WWP2: variants seen among roughly 807,000 people sequenced by gnomAD.
WWP2 encodes NEDD4-like E3 ubiquitin-protein ligase WWP2.
WWP2 carries 57 observed loss-of-function variants against 121.0 expected under a neutral mutation model. The ratio of observed to expected loss-of-function variants is 0.47; its 90% CI spans 0.38 to 0.59. The LOEUF is 0.59. Ranked by LOEUF, WWP2 falls within the 20% of genes least tolerant of loss-of-function variation. The probability of loss-of-function intolerance (pLI) is 0.00; values close to 1 mark genes in which losing one functional copy is unlikely to be tolerated. For missense variants in WWP2, 962 were observed against 1,158.9 expected (o/e 0.83, Z 2.47); for synonymous variants, 449 against 441.3 (o/e 1.02, Z -0.22).
intron 19 of WWP2, chr16:69,936,886 G>A (rs1186714229): frequency 9.2e-6 from 5 of 546,274 alleles, no homozygotes; most frequent in African/African-American, 7.6e-5. Flanking sequence ...GGCGCTGGGG[G>A]CAGGAGCAGG....
intron 6 of WWP2, among the ~76,000 whole-genome samples, chr16:69,868,145 G>A (rs1483977192): frequency 6.6e-6 from 1 of 152,208 alleles, no homozygotes; most frequent in Non-Finnish European, 1.5e-5. Flanking sequence ...AGGGCAAGGG[G>A]AGAATCTGGG....
At chr16:69,890,744 G>A (rs1258913507) in intron 8 of WWP2, 1 of 152,146 alleles carries the variant, frequency 6.6e-6, no homozygotes, top group African/African-American at 2.4e-5. Flanking sequence ...TCGGGGATTG[G>A]GCACTTCCTG....
intron 7 of WWP2, among the ~76,000 whole-genome samples, chr16:69,885,977 G>A (rs575817227): frequency 3.9e-5 from 6 of 152,274 alleles, no homozygotes; most frequent in East Asian, 3.9e-4. Flanking sequence ...ATGATATCTC[G>A]AAGAGGGCAG....
At chr16:69,884,374 A>T (rs1246851665) in intron 7 of WWP2, among the ~76,000 whole-genome samples, 2 of 152,236 alleles carry the variant, frequency 1.3e-5, no homozygotes, top group East Asian at 3.8e-4. Flanking sequence ...CTGTGATCCC[A>T]GCACTTTGGG....
intron 8 of WWP2, among the ~76,000 whole-genome samples, chr16:69,901,338 C>T (rs570772160): frequency 6.6e-6 from 1 of 152,138 alleles, no homozygotes; most frequent in Non-Finnish European, 1.5e-5. Context: ...CCAGTGTATT[C>T]TTCTTAAGTT....
At position 69,937,213 on chromosome 16, in the gene WWP2, G is replaced by C; in HGVS notation, c.2213G>C (p.Arg738Pro). Residue 738 changes from arginine (R) to proline (P), a missense_variant, in exon 20 of 24, where the codon CGC becomes CCC. Physicochemically the swap from Arg to Pro is moderately radical, Grantham distance 103. Transcript: ENST00000359154. This position sits in a 1 kb window ranked among gnomAD's most constrained non-coding sequence, Gnocchi z 6.6. Reference sequence around the variant, plus strand: ...GAGGTGGCCCCGCTGGAGTGGCTGCGCTACTTTGACGAGAAAGAGCTGGAG... The same window carrying C: ...GAGGTGGCCCCGCTGGAGTGGCTGCCCTACTTTGACGAGAAAGAGCTGGAG... ...FNEVAPLEWL[R>P]YFDEKELELM... 1 of 1,613,762 alleles carries C rather than the reference G, an allele frequency of 6.2e-7. No individual in the cohort carries two copies. Among genetic ancestry groups the C allele is most frequent in the Non-Finnish European group, 8.5e-7 (1 of 1,179,956 alleles).
chr16:69,836,389 C>T (rs1050407405), intron 4 of WWP2, among the ~76,000 whole-genome samples: 1 of 151,740 alleles, frequency 6.6e-6, no homozygotes, highest in African/African-American at 2.4e-5. Flanking sequence ...CATCTGATTG[C>T]TTCCTCATGG....
intron 4 of WWP2, among the ~76,000 whole-genome samples, chr16:69,829,099 G>C (rs1307899237): frequency 1.3e-5 from 2 of 152,012 alleles, no homozygotes; most frequent in African/African-American, 4.8e-5. Context: ...TTCGATACCC[G>C]ACCCCTCTTG....
At chr16:69,840,474 A>G (rs2056957623) in intron 5 of WWP2, among the ~76,000 whole-genome samples, 1 of 152,240 alleles carries the variant, frequency 6.6e-6, no homozygotes, top group South Asian at 2.1e-4. Context: ...GTCTTTGTAA[A>G]TATGTAATTG....
At chr16:69,833,645 A>G (rs769910815) in intron 4 of WWP2, among the ~76,000 whole-genome samples, 32 of 152,290 alleles carry the variant, frequency 2.1e-4, no homozygotes, top group African/African-American at 5.8e-4. Context: ...GTGCAGTCGT[A>G]TAGCTGAAGA....
At chr16:69,936,750 C>T (rs2058805174) in intron 19 of WWP2, 15 of 500,088 alleles carry the variant, frequency 3.0e-5, no homozygotes, top group East Asian at 1.1e-4. Flanking sequence ...TTCTCCGGGC[C>T]GAAAGGATCT....
intron 4 of WWP2, among the ~76,000 whole-genome samples, chr16:69,808,827 C>T (rs2056332627): frequency 1.3e-5 from 2 of 152,364 alleles, no homozygotes; most frequent in South Asian, 4.1e-4. Flanking sequence ...ACAACGCTGA[C>T]ATAAACACTC....
chr16:69,874,632 A>G (rs2057703610), intron 7 of WWP2, among the ~76,000 whole-genome samples: 1 of 152,186 alleles, frequency 6.6e-6, no homozygotes, highest in Non-Finnish European at 1.5e-5. Context: ...GGTGGAATCA[A>G]GAAATAGACG....
intron 2 of WWP2, 57 bp from the exon 3 acceptor site, chr16:69,798,625 G>A (rs1410494702): frequency 1.9e-6 from 3 of 1,550,556 alleles, no homozygotes; most frequent in Non-Finnish European, 2.6e-6. Context: ...TCTGCCACAG[G>A]GGGGCATCTG....
At chr16:69,920,582 C>G (rs2058545272) in intron 10 of WWP2, among the ~76,000 whole-genome samples, 2 of 151,700 alleles carry the variant, frequency 1.3e-5, no homozygotes, top group African/African-American at 4.9e-5. Flanking sequence ...TTAGGAGTTT[C>G]ACATGGTTTT....
chr16:69,778,664 C>G (rs1192784869), intron 1 of WWP2, among the ~76,000 whole-genome samples: 1 of 152,074 alleles, frequency 6.6e-6, no homozygotes, highest in African/African-American at 2.4e-5. Flanking sequence ...TCTCTTGAGA[C>G]AGAGTCTCGC....
chr16:69,812,725 G>T (rs2056418590), intron 4 of WWP2, among the ~76,000 whole-genome samples: 1 of 151,996 alleles, frequency 6.6e-6, no homozygotes, highest in Admixed American at 6.6e-5. Flanking sequence ...TGCATTCTTG[G>T]CAGGAACACC....
At chr16:69,835,186 G>A (rs940247197) in intron 4 of WWP2, among the ~76,000 whole-genome samples, 2 of 152,140 alleles carry the variant, frequency 1.3e-5, no homozygotes, top group African/African-American at 4.8e-5. Context: ...GAAGAGAAAG[G>A]GCCTCTGTAG....
intron 4 of WWP2, among the ~76,000 whole-genome samples, chr16:69,805,732 T>C (rs2056261942): frequency 6.6e-6 from 1 of 151,852 alleles, no homozygotes; most frequent in African/African-American, 2.4e-5. Context: ...CATCTCAGTC[T>C]CTGGAGTAGC....
Sources: gnomAD v4.1 joint callset for allele counts (sites outside exome capture counted in the v4.1 genomes callset) on GRCh38, gnomAD v4.1.1 for gene constraint, Gnocchi (gnomAD v3.1) non-coding constraint, MANE v1.5 for transcripts, NCBI Gene and HGNC (gene_info 2026-07-23, HGNC 2026-07-21) for gene names.